The following GPC4 variants were observed in gnomAD, a reference collection of about 807,000 sequenced individuals.
The protein encoded by GPC4 is glypican 4.
A neutral mutation model predicts 35.0 loss-of-function variants in GPC4; 10 were observed. The observed-to-expected ratio is 0.29, with a 90% CI of 0.18 to 0.48. The LOEUF (loss-of-function observed/expected upper bound fraction) is 0.48. Ranked by LOEUF, GPC4 falls within the 20% of genes least tolerant of loss-of-function variation. The pLI, the probability that GPC4 is intolerant of heterozygous loss-of-function variation, is 0.99. For missense variants in GPC4, 322 were observed against 451.3 expected (o/e 0.71, Z 2.60); for synonymous variants, 167 against 170.2 (o/e 0.98, Z 0.15).
chrX:133,347,485 G>T (rs1375118640), intron 1 of GPC4, among the ~76,000 whole-genome samples: 1 of 109,388 alleles, frequency 9.1e-6, no homozygotes, highest in African/African-American at 3.3e-5. Context: ...TGTTCTAAAC[G>T]TAAAATAATT....
At chrX:133,382,402 T>C (rs57768015) in intron 1 of GPC4, among the ~76,000 whole-genome samples, 1,301 of 57,557 alleles carry the variant, frequency 0.023, 44 homozygotes, top group African/African-American at 0.088. Context: ...CTCCAGCCTG[T>C]GTGACAGAGG....
At chrX:133,380,031 G>C (rs1052478933) in intron 1 of GPC4, among the ~76,000 whole-genome samples, 4 of 110,680 alleles carry the variant, frequency 3.6e-5, no homozygotes, top group Admixed American at 2.9e-4. Context: ...TAATCAAGCA[G>C]TGGAGTCTTA....
At chrX:133,332,506 T>C (rs1464437162) in intron 2 of GPC4, among the ~76,000 whole-genome samples, 2 of 110,954 alleles carry the variant, frequency 1.8e-5, no homozygotes, top group African/African-American at 3.3e-5. Context: ...TTCAAGTGAG[T>C]CTCCTGCCTC....
intron 1 of GPC4, among the ~76,000 whole-genome samples, chrX:133,366,186 A>G (rs999599876): frequency 1.8e-5 from 2 of 112,529 alleles, no homozygotes; most frequent in African/African-American, 3.2e-5. Context: ...ATGTCAGATC[A>G]TAATATCAAG....
At chrX:133,361,347 G>A (rs1415231165) in intron 1 of GPC4, among the ~76,000 whole-genome samples, 1 of 112,170 alleles carries the variant, frequency 8.9e-6, no homozygotes, top group Non-Finnish European at 1.9e-5. Flanking sequence ...GCATCAAATA[G>A]CTGGTTCATA....
At chrX:133,389,860 C>A (rs191483025) in intron 1 of GPC4, among the ~76,000 whole-genome samples, 4 of 111,597 alleles carry the variant, frequency 3.6e-5, no homozygotes, top group African/African-American at 1.3e-4. Context: ...TGTTAGATTT[C>A]GGGCAGGAGC....
intron 1 of GPC4, among the ~76,000 whole-genome samples, chrX:133,413,457 G>A (rs1000969258): frequency 8.9e-6 from 1 of 111,982 alleles, no homozygotes; most frequent in African/African-American, 3.2e-5. Flanking sequence ...GTTATTAATA[G>A]CCCTTCCAAA....
At chrX:133,403,626 C>G (rs1484328418) in intron 1 of GPC4, among the ~76,000 whole-genome samples, 1 of 110,881 alleles carries the variant, frequency 9.0e-6, no homozygotes, top group Non-Finnish European at 1.9e-5. Flanking sequence ...GAGCACCTAC[C>G]ACATGCCATG....
At chrX:133,304,018 G>A (rs1424002866) in intron 7 of GPC4, among the ~76,000 whole-genome samples, 1 of 109,548 alleles carries the variant, frequency 9.1e-6, no homozygotes, top group African/African-American at 3.3e-5. Flanking sequence ...TACTGGCTGG[G>A]TGCGGTGGCT....
intron 2 of GPC4, among the ~76,000 whole-genome samples, chrX:133,325,203 T>G (rs2068386153): frequency 9.0e-6 from 1 of 111,032 alleles, no homozygotes; most frequent in Non-Finnish European, 1.9e-5. Context: ...AGCTTGATCC[T>G]GGGTTTCTAA....
chrX:133,328,956 CTG>C (rs1274861238), intron 2 of GPC4, among the ~76,000 whole-genome samples: 1 of 111,971 alleles, frequency 8.9e-6, no homozygotes, highest in Non-Finnish European at 1.9e-5. Flanking sequence ...AATATAGTGT[CTG>C]TGATCAGCGT....
At chrX:133,360,005 A>G (rs1399712927) in intron 1 of GPC4, among the ~76,000 whole-genome samples, 1 of 110,710 alleles carries the variant, frequency 9.0e-6, no homozygotes, top group East Asian at 2.8e-4. Flanking sequence ...AGGTGAAATC[A>G]CTACACATTT....
At chrX:133,409,854 C>T (rs1208460512) in intron 1 of GPC4, among the ~76,000 whole-genome samples, 5 of 111,387 alleles carry the variant, frequency 4.5e-5, no homozygotes, top group Non-Finnish European at 9.4e-5. Flanking sequence ...GAGGGGGGGA[C>T]AGACAAGAGG....
At chrX:133,404,121 A>G (rs776680449) in intron 1 of GPC4, among the ~76,000 whole-genome samples, 1 of 111,790 alleles carries the variant, frequency 8.9e-6, no homozygotes, top group Non-Finnish European at 1.9e-5. Flanking sequence ...CCAGTATTCA[A>G]ATGTGTCACC....
At chrX:133,328,899 T>C (rs892882180) in intron 2 of GPC4, among the ~76,000 whole-genome samples, 1 of 112,064 alleles carries the variant, frequency 8.9e-6, no homozygotes, top group Non-Finnish European at 1.9e-5. Context: ...GTAAAGCTAC[T>C]GGTGTCTGAA....
At chrX:133,401,827 T>C (rs1272980466) in intron 1 of GPC4, among the ~76,000 whole-genome samples, 1 of 111,582 alleles carries the variant, frequency 9.0e-6, no homozygotes, top group African/African-American at 3.3e-5. Context: ...AGTGAACTCA[T>C]TTCACTACTC....
chrX:133,388,611 G>A (rs1008402827), intron 1 of GPC4, among the ~76,000 whole-genome samples: 18 of 106,304 alleles, frequency 1.7e-4, no homozygotes, highest in Admixed American at 1.6e-3. Context: ...CTCGGCTCAC[G>A]GCAAGCTCCG....
At chrX:133,352,741 G>C (rs963169861) in intron 1 of GPC4, among the ~76,000 whole-genome samples, 1 of 110,967 alleles carries the variant, frequency 9.0e-6, no homozygotes, top group Non-Finnish European at 1.9e-5. Context: ...ATACCACCCA[G>C]TGCCTCTCCA....
chrX:133,326,792 G>A (rs1300488550), intron 2 of GPC4, among the ~76,000 whole-genome samples: 2 of 112,257 alleles, frequency 1.8e-5, no homozygotes, highest in Admixed American at 9.4e-5. Context: ...ATTTTCTTGT[G>A]TGGAACTCTC....
Sources: allele counts gnomAD v4.1 joint callset (sites outside exome capture counted in the v4.1 genomes callset), GRCh38; gene constraint gnomAD v4.1.1; transcripts MANE v1.5; gene names NCBI Gene and HGNC (gene_info 2026-07-23, HGNC 2026-07-21).